CCDC30: variants seen among roughly 807,000 people sequenced by gnomAD.
CCDC30 encodes coiled-coil domain containing 30.
Under a neutral mutation model 100.2 loss-of-function variants are expected in CCDC30, and 70 were observed. The observed-to-expected ratio is 0.70, with a 90% CI of 0.58 to 0.85. The LOEUF (loss-of-function observed/expected upper bound fraction) is 0.85. CCDC30 is among the 40% of genes least tolerant of loss of function. The pLI, the probability that CCDC30 is intolerant of heterozygous loss-of-function variation, is 0.00. For missense variants in CCDC30, 652 were observed against 771.2 expected (o/e 0.85, Z 1.83); for synonymous variants, 233 against 269.5 (o/e 0.86, Z 1.33).
chr1:42,626,023 C>A (rs1404852728), intron 11 of CCDC30, among the ~76,000 whole-genome samples: 2 of 152,110 alleles, frequency 1.3e-5, no homozygotes, highest in Non-Finnish European at 2.9e-5. Flanking sequence ...CTTTATATAT[C>A]TGGGTGCTCC....
intron 6 of CCDC30, chr1:42,545,557 A>G (rs1228718008): frequency 1.2e-6 from 2 of 1,607,034 alleles, no homozygotes; most frequent in Non-Finnish European, 1.7e-6. Context: ...TCAAAGCCGA[A>G]AGGAAGAGAC....
intron 1 of CCDC30, among the ~76,000 whole-genome samples, chr1:42,468,489 G>A (rs1012697495): frequency 2.0e-5 from 3 of 152,188 alleles, no homozygotes; most frequent in Admixed American, 1.3e-4. Context: ...TTGGTCACCT[G>A]GCTGTATCTA....
At chr1:42,459,735 AT>A, upstream of CCDC30, 1 of 1,614,206 alleles carries the variant, frequency 6.2e-7, no homozygotes, top group Non-Finnish European at 8.5e-7. Context: ...GGCTTTGGAA[AT>A]TTATCAGCAT....
rs929852011 is a variant in CCDC30 at position 42,575,669 on chromosome 1, A to G, written c.637-1351A>G. Among the ~76,000 whole-genome samples, 18 of 151,250 alleles carry G rather than the reference A, an allele frequency of 1.2e-4. 1 individual carries two copies. Among genetic ancestry groups the G allele is most frequent in the South Asian group, 8.3e-4 (4 of 4,814 alleles). ...TGTCTCAAAAAAAAAGAAGCAAACA[A>G]ACAAAAAAACATAGTCTCTGCTTTC... On this transcript the variant is annotated intron_variant, in intron 7 of 16. Transcript: ENST00000668663.
chr1:42,497,322 A>G, intron 5 of CCDC30, 109 bp downstream of exon 5: 1 of 508,518 alleles, frequency 2.0e-6, no homozygotes, highest in Non-Finnish European at 3.1e-6. Flanking sequence ...GCAGGGACCA[A>G]TACTGGTGGC....
chr1:42,614,321 C>T (rs1443519345), intron 11 of CCDC30, among the ~76,000 whole-genome samples: 1 of 151,750 alleles, frequency 6.6e-6, no homozygotes, highest in African/African-American at 2.4e-5. Context: ...ACCTCGTGAT[C>T]CACCCGCCTC....
chr1:42,645,271 C>T (rs1647793686), intron 14 of CCDC30, among the ~76,000 whole-genome samples: 1 of 152,032 alleles, frequency 6.6e-6, no homozygotes, highest in South Asian at 2.1e-4. Context: ...CTAGCCCCAT[C>T]TAAAACATGA....
chr1:42,613,234 T>C (rs898303220), intron 11 of CCDC30, among the ~76,000 whole-genome samples: 1 of 132,444 alleles, frequency 7.6e-6, no homozygotes, highest in Non-Finnish European at 1.6e-5. Flanking sequence ...GGTGGATTAT[T>C]CACGTGCTTT....
At chr1:42,606,662 AG>A (rs1253137953) in intron 10 of CCDC30, among the ~76,000 whole-genome samples, 1 of 152,248 alleles carries the variant, frequency 6.6e-6, no homozygotes, top group East Asian at 1.9e-4. Context: ...GTGGGTCTCA[AG>A]TATTTTTCAC....
chr1:42,582,421 G>A (rs1450252568), intron 9 of CCDC30, among the ~76,000 whole-genome samples: 1 of 152,090 alleles, frequency 6.6e-6, no homozygotes, highest in Non-Finnish European at 1.5e-5. Flanking sequence ...TTAAGATTGG[G>A]AAACAAAAAG....
chr1:42,642,932 AG>A (rs1647579000), intron 13 of CCDC30, among the ~76,000 whole-genome samples: 1 of 152,342 alleles, frequency 6.6e-6, no homozygotes, highest in Admixed American at 6.5e-5. Context: ...TATGGAATCA[AG>A]GTAGAACAAG....
intron 7 of CCDC30, among the ~76,000 whole-genome samples, chr1:42,568,335 G>A (rs148090324): frequency 0.018 from 2,741 of 152,140 alleles, 37 homozygotes; most frequent in Non-Finnish European, 0.027. Flanking sequence ...GGCTGATCTC[G>A]AACTCCTGAC....
chr1:42,474,101 A>G (rs1569714013), intron 1 of CCDC30, among the ~76,000 whole-genome samples: 1 of 152,172 alleles, frequency 6.6e-6, no homozygotes, highest in South Asian at 2.1e-4. Flanking sequence ...TCTCAGCTTC[A>G]CACAGGTAAC....
exon 9 of CCDC30, chr1:42,581,386 A>G (rs12037518): frequency 0.22 from 345,658 of 1,605,832 alleles, 40,846 homozygotes; most frequent in South Asian, 0.43. Flanking sequence ...GGAAATTAGA[A>G]CATGCTCATA....
chr1:42,524,500 G>T (rs901762725), intron 6 of CCDC30, among the ~76,000 whole-genome samples: 2 of 152,158 alleles, frequency 1.3e-5, no homozygotes, highest in Non-Finnish European at 2.9e-5. Flanking sequence ...TGCCAGAGGG[G>T]GAGGGGCTTG....
intron 15 of CCDC30, 98 bp downstream of exon 19, chr1:42,646,415 G>T: frequency 5.5e-6 from 7 of 1,270,808 alleles, no homozygotes; most frequent in Admixed American, 4.0e-5. Flanking sequence ...TTCTACACTG[G>T]AAAAAGTAAA....
At chr1:42,592,677 G>A (rs2148612074) in intron 10 of CCDC30, 1 of 152,352 alleles carries the variant, frequency 6.6e-6, no homozygotes, top group South Asian at 2.1e-4. Context: ...TCACGCCATT[G>A]CACTCCAGCC....
At chr1:42,535,728 A>ATATATATATTAT (rs1177599266) in intron 6 of CCDC30, among the ~76,000 whole-genome samples, 27 of 109,514 alleles carry the variant, frequency 2.5e-4, no homozygotes, top group Non-Finnish European at 3.8e-4. Context: ...TAAATTTTAA[A>ATATATATATTAT]AAATTAAAAA....
At chr1:42,544,379 G>A (rs1427666982) in intron 6 of CCDC30, among the ~76,000 whole-genome samples, 1 of 152,216 alleles carries the variant, frequency 6.6e-6, no homozygotes, top group East Asian at 1.9e-4. Context: ...GATTCTCAAA[G>A]CATCTACTTA....
Sources: gnomAD v4.1 joint callset for allele counts (sites outside exome capture counted in the v4.1 genomes callset) on GRCh38, gnomAD v4.1.1 for gene constraint, MANE v1.5 for transcripts, NCBI Gene and HGNC (gene_info 2026-07-23, HGNC 2026-07-21) for gene names.